Variants in DPP6 observed in about 807,000 individuals in gnomAD.
DPP6 encodes the protein A-type potassium channel modulatory protein DPP6.
Under a neutral mutation model 122.6 loss-of-function variants are expected in DPP6, and 69 were observed. The ratio of observed to expected loss-of-function variants is 0.56; its 90% confidence interval spans 0.46 to 0.69. DPP6 has a LOEUF of 0.69. DPP6 is among the 30% of genes least tolerant of loss of function. The pLI is 0.00. For missense variants in DPP6, 928 were observed against 1,116.9 expected, an observed-to-expected ratio of 0.83 and a Z score of 2.41; for synonymous variants, 418 against 433.1, an observed-to-expected ratio of 0.97 and a Z score of 0.43.
At chr7:154,574,021 A>G (rs1357148201) in intron 5 of DPP6, among the ~76,000 whole-genome samples, 1 of 152,188 alleles carries the variant, frequency 6.6e-6, no homozygotes, top group African/African-American at 2.4e-5. Flanking sequence ...TTGACACAGA[A>G]CTGGCTCAAA....
At chr7:153,780,091 G>T in the DPP6 span, among the ~76,000 whole-genome samples, 1 of 151,476 alleles carries the variant, frequency 6.6e-6, no homozygotes, top group Non-Finnish European at 1.5e-5. Context: ...GCATAAAATT[G>T]GTTATAATTT....
At chr7:154,853,909 C>T in intron 17 of DPP6, 82 bp downstream of exon 17, 1 of 1,567,028 alleles carries the variant, frequency 6.4e-7, no homozygotes, top group Non-Finnish European at 8.7e-7. Flanking sequence ...AGCTGGCCCA[C>T]ATTCTCCTAC....
chr7:153,977,477 C>T (rs1796366679), intron 1 of DPP6, among the ~76,000 whole-genome samples: 2 of 152,140 alleles, frequency 1.3e-5, no homozygotes, highest in African/African-American at 4.8e-5. Flanking sequence ...GTCTCTAGGT[C>T]ACCAGCTCCT....
chr7:154,382,253 T>A, intron 1 of DPP6, among the ~76,000 whole-genome samples: 1 of 152,178 alleles, frequency 6.6e-6, no homozygotes. Context: ...AGTGCTGCAA[T>A]CTTGGCTCAC....
chr7:154,442,306 T>A (rs1381283028), intron 1 of DPP6, among the ~76,000 whole-genome samples: 1 of 152,178 alleles, frequency 6.6e-6, no homozygotes, highest in Non-Finnish European at 1.5e-5. Context: ...CATACTAAGA[T>A]AATATATATT....
intron 6 of DPP6, among the ~76,000 whole-genome samples, chr7:154,649,556 T>A (rs1051705697): frequency 6.6e-6 from 1 of 152,202 alleles, no homozygotes; most frequent in Non-Finnish European, 1.5e-5. Flanking sequence ...GCCCGGTCAC[T>A]GTGTATGGCA....
At chr7:154,053,676 C>T (rs1021130981) in intron 1 of DPP6, among the ~76,000 whole-genome samples, 1 of 152,218 alleles carries the variant, frequency 6.6e-6, no homozygotes, top group African/African-American at 2.4e-5. Flanking sequence ...GAGCCCCAAC[C>T]CTCTGTCCCA....
At chr7:154,846,417 G>A (rs930515478) in intron 16 of DPP6, among the ~76,000 whole-genome samples, 2 of 152,102 alleles carry the variant, frequency 1.3e-5, no homozygotes, top group Non-Finnish European at 2.9e-5. Context: ...GACGCATCCT[G>A]GAGGATAGCC....
chr7:154,733,004 C>T (rs1842410866), intron 8 of DPP6, among the ~76,000 whole-genome samples: 1 of 152,210 alleles, frequency 6.6e-6, no homozygotes, highest in Admixed American at 6.5e-5. Flanking sequence ...TGGCACCCTC[C>T]CCATTTTCTG....
intron 1 of DPP6, among the ~76,000 whole-genome samples, chr7:154,349,696 G>A (rs1810691062): frequency 1.3e-5 from 2 of 151,940 alleles, no homozygotes; most frequent in Non-Finnish European, 2.9e-5. Context: ...TCGCCTGTGT[G>A]ACTTAACGCC....
At chr7:154,537,439 A>G (rs1181167829) in intron 3 of DPP6, among the ~76,000 whole-genome samples, 1 of 152,192 alleles carries the variant, frequency 6.6e-6, no homozygotes, top group Non-Finnish European at 1.5e-5. Flanking sequence ...CTCATTCACT[A>G]TTGGTGCCTG....
the DPP6 span, among the ~76,000 whole-genome samples, chr7:153,843,463 G>A: frequency 2.4e-3 from 358 of 152,066 alleles, 2 homozygotes; most frequent in Non-Finnish European, 3.8e-3. Context: ...CAGGTGGATC[G>A]GCAGGTCGAG....
chr7:154,337,505 G>C (rs779033820), intron 1 of DPP6, among the ~76,000 whole-genome samples: 3 of 152,196 alleles, frequency 2.0e-5, no homozygotes, highest in Non-Finnish European at 2.9e-5. Flanking sequence ...CCACACAGTA[G>C]ATACATCCCT....
chr7:153,961,974 C>T (rs541815307), intron 1 of DPP6, among the ~76,000 whole-genome samples: 1 of 148,842 alleles, frequency 6.7e-6, no homozygotes, highest in Non-Finnish European at 1.5e-5. Context: ...ACACACACAG[C>T]CATTATATGT....
At position 154,380,813 on chromosome 7, in the gene DPP6, C is replaced by T. The variant is rs149066492; in HGVS notation, c.244-65401C>T. ...AGTCCTGTGAGTGCATGCCAGAGGC[C>T]ATCTCCTTGGTTCATCCCTGTTTCC... On this transcript the variant is annotated intron_variant, in intron 1 of 25. Coordinates refer to ENST00000377770, the MANE Select transcript of DPP6 (RefSeq NM_130797.4). Among the ~76,000 whole-genome samples the T allele has an allele frequency of 2.4e-3, 367 of 152,312 alleles. 4 individuals are homozygous for T. Among genetic ancestry groups the T allele is most frequent in the Admixed American group, 8.8e-3 (134 of 15,306 alleles).
chr7:154,003,844 A>T (rs947519833), intron 1 of DPP6, among the ~76,000 whole-genome samples: 1 of 152,190 alleles, frequency 6.6e-6, no homozygotes, highest in African/African-American at 2.4e-5. Context: ...CTCTCCTGAG[A>T]CTTAAGCTCA....
intron 1 of DPP6, chr7:154,058,924 G>A (rs1374937148): frequency 6.6e-6 from 1 of 150,658 alleles, no homozygotes; most frequent in South Asian, 2.1e-4. Context: ...TCCGCCCCTG[G>A]CTGTTAGTAC....
intron 1 of DPP6, among the ~76,000 whole-genome samples, chr7:153,988,678 G>T (rs1376764160): frequency 6.6e-6 from 1 of 152,214 alleles, no homozygotes; most frequent in Non-Finnish European, 1.5e-5. Flanking sequence ...CTTCCTGGTC[G>T]ATGGCACGTC....
rs1295066281 is a variant in DPP6 at position 154,879,271 on chromosome 7, C to T, written c.2079-1617C>T. Among the ~76,000 whole-genome samples the T allele has an allele frequency of 7.6e-5, 7 of 92,538 alleles. 3 individuals carry two copies. The East Asian group carries it at 7.9e-3, about 105-fold the overall frequency. The allele number at this position is 92,538 out of a possible 152,430, so 60.7% of individuals were successfully genotyped here. On this transcript the variant is annotated intron_variant, in intron 20 of 25. Transcript: ENST00000377770. ...AGACCAGCTGGCCAACATGGTGAAACCCCGTCTCTATTAAAAACACAAAAA... is the reference window on the plus strand; with the variant it reads ...AGACCAGCTGGCCAACATGGTGAAATCCCGTCTCTATTAAAAACACAAAAA...
Sources: allele counts gnomAD v4.1 joint callset (sites outside exome capture counted in the v4.1 genomes callset), GRCh38; gene constraint gnomAD v4.1.1; transcripts MANE v1.5; gene names NCBI Gene and HGNC (gene_info 2026-07-23, HGNC 2026-07-21).